CLPB: variants seen among roughly 807,000 people sequenced by gnomAD.
CLPB encodes the protein ClpB family mitochondrial disaggregase, also known as mitochondrial disaggregase.
CLPB carries 40 observed loss-of-function variants against 78.4 expected under a neutral mutation model. The ratio of observed to expected loss-of-function variants is 0.51; its 90% CI spans 0.40 to 0.66. CLPB has a LOEUF of 0.66. Among genes scored for constraint, CLPB ranks in the 30% least tolerant of loss-of-function variants. CLPB has a pLI of 0.00. For missense variants in CLPB, 780 were observed against 886.9 expected, an observed-to-expected ratio of 0.88 and a Z score of 1.53; for synonymous variants, 333 against 348.0, an observed-to-expected ratio of 0.96 and a Z score of 0.48.
intron 5 of CLPB, chr11:72,354,494 G>A: frequency 2.6e-6 from 1 of 390,212 alleles, no homozygotes; most frequent in Non-Finnish European, 4.5e-6. Context: ...CAACTTAACA[G>A]TCCTGGAAAT....
chr11:72,392,877 T>C (rs946234985), intron 3 of CLPB, among the ~76,000 whole-genome samples: 2 of 152,184 alleles, frequency 1.3e-5, no homozygotes, highest in African/African-American at 2.4e-5. Flanking sequence ...CAACTGACCA[T>C]CCATTAGTCT....
chr11:72,430,582 C>T (rs1856516193), intron 1 of CLPB: 1 of 550,002 alleles, frequency 1.8e-6, no homozygotes, highest in African/African-American at 1.9e-5. Flanking sequence ...AGAGCCCAAA[C>T]TCTTCACTCC....
At chr11:72,364,395 T>C (rs147093131) in intron 4 of CLPB, among the ~76,000 whole-genome samples, 6,592 of 151,934 alleles carry the variant, frequency 0.043, 429 homozygotes, top group African/African-American at 0.14. Context: ...TTAGTAGAGA[T>C]GGGGTTTCAC....
At chr11:72,333,309 T>C (rs1271594682) in intron 5 of CLPB, among the ~76,000 whole-genome samples, 1 of 152,222 alleles carries the variant, frequency 6.6e-6, no homozygotes, top group Non-Finnish European at 1.5e-5. Context: ...GGCAAGTCCT[T>C]AGAGGCTCAG....
At chr11:72,376,318 G>A (rs991187709) in intron 4 of CLPB, among the ~76,000 whole-genome samples, 16 of 152,120 alleles carry the variant, frequency 1.1e-4, no homozygotes, top group African/African-American at 3.9e-4. Context: ...TTGGTTGAAT[G>A]GCTTAAAAAA....
At chr11:72,395,951 G>A (rs114351241) in intron 3 of CLPB, among the ~76,000 whole-genome samples, 1 of 152,302 alleles carries the variant, frequency 6.6e-6, no homozygotes, top group African/African-American at 2.4e-5. Flanking sequence ...ACAAAGGAAG[G>A]CCTTTAAAAC....
chr11:72,376,406 C>T (rs1229765781), intron 4 of CLPB, among the ~76,000 whole-genome samples: 2 of 151,758 alleles, frequency 1.3e-5, no homozygotes. Flanking sequence ...AGAGAAGAGC[C>T]CTGAGAAGAT....
rs1949645421 is a variant in CLPB at position 72,300,992 on chromosome 11, T to G, written c.1329+811A>C. Among the ~76,000 whole-genome samples the G allele has an allele frequency of 3.9e-5, 6 of 152,206 alleles. 1 individual carries two copies. The highest frequency in any genetic ancestry group is 3.9e-4 in the Admixed American group (6 of 15,278). On this transcript the variant is annotated intron_variant, in intron 11 of 15. Coordinates refer to ENST00000538039, the MANE Select transcript of CLPB (RefSeq NM_001258392.3). ...ATCAGACATATCTGCAGCCCAATCT[T>G]GGCTCTTTACACAGCAGCTGTGGCC...
chr11:72,324,222 A>G (rs1950094026), intron 6 of CLPB, among the ~76,000 whole-genome samples: 1 of 152,130 alleles, frequency 6.6e-6, no homozygotes, highest in African/African-American at 2.4e-5. Context: ...TGATCCATAC[A>G]TTCCTGATAT....
At chr11:72,369,058 T>C (rs111956289) in intron 4 of CLPB, among the ~76,000 whole-genome samples, 2 of 152,038 alleles carry the variant, frequency 1.3e-5, no homozygotes, top group African/African-American at 4.8e-5. Context: ...CTCACCTCCA[T>C]GAAAGGGAAG....
chr11:72,384,171 AC>A (rs1855007098), intron 3 of CLPB, among the ~76,000 whole-genome samples: 1 of 151,958 alleles, frequency 6.6e-6, no homozygotes, highest in Non-Finnish European at 1.5e-5. Flanking sequence ...CAAACAAAAC[AC>A]CCCAAAAACC....
intron 2 of CLPB, among the ~76,000 whole-genome samples, chr11:72,406,669 G>A (rs117654328): frequency 0.029 from 4,476 of 152,296 alleles, 111 homozygotes; most frequent in Non-Finnish European, 0.041. Context: ...ATTCTAAGAT[G>A]TGATCACACA....
chr11:72,298,473 A>G (rs973143666), intron 11 of CLPB, among the ~76,000 whole-genome samples: 1 of 152,250 alleles, frequency 6.6e-6, no homozygotes, highest in East Asian at 1.9e-4. Flanking sequence ...CTCATGAATA[A>G]ATGAATGAGC....
chr11:72,418,928 G>A (rs1277275004), intron 2 of CLPB, among the ~76,000 whole-genome samples: 2 of 152,016 alleles, frequency 1.3e-5, no homozygotes, highest in Non-Finnish European at 2.9e-5. Context: ...ACAAGGAGAG[G>A]ACGACTGATT....
intron 3 of CLPB, among the ~76,000 whole-genome samples, chr11:72,388,755 G>C (rs1414981463): frequency 1.3e-5 from 2 of 152,150 alleles, no homozygotes; most frequent in African/African-American, 4.8e-5. Context: ...TCTTGGAGAA[G>C]CCAGCCCAGA....
intron 3 of CLPB, among the ~76,000 whole-genome samples, chr11:72,392,612 C>T (rs1855286379): frequency 6.6e-6 from 1 of 152,156 alleles, no homozygotes. Context: ...TTATTTACTT[C>T]AAAAAGTAAA....
chr11:72,427,228 A>C (rs1375883126), intron 2 of CLPB, among the ~76,000 whole-genome samples: 2 of 152,244 alleles, frequency 1.3e-5, no homozygotes. Flanking sequence ...TTCACTATCC[A>C]GAACTTTCCC....
chr11:72,380,319 TA>T lies in CLPB; in HGVS notation c.607del (p.Tyr203ThrfsTer15). On this transcript the variant is annotated frameshift_variant, in exon 4 of 16. Transcript: ENST00000538039. LOFTEE classifies it high-confidence loss of function. ...GATTCCCTGTTCCTTGGCAGTCTTGTAAACACTGCTGAAATCATCTCCAAGG... is the reference window on the plus strand; with the variant it reads ...GATTCCCTGTTCCTTGGCAGTCTTGTAACACTGCTGAAATCATCTCCAAGG... The part of the protein sequence containing the change: ...PNLGDDFSSV[Y>X]KTAKEQGIHS... 1 of 1,614,086 alleles carries T rather than the reference TA, an allele frequency of 6.2e-7. No individual in the cohort carries two copies. The highest frequency in any genetic ancestry group is 8.5e-7 in the Non-Finnish European group (1 of 1,179,946).
intron 3 of CLPB, among the ~76,000 whole-genome samples, chr11:72,401,559 A>G (rs1423729174): frequency 2.6e-5 from 4 of 152,368 alleles, no homozygotes; most frequent in African/African-American, 9.6e-5. Flanking sequence ...AGGAGCAGAG[A>G]AGAGAGACCT....
Sources: allele counts gnomAD v4.1 joint callset (sites outside exome capture counted in the v4.1 genomes callset), GRCh38; gene constraint gnomAD v4.1.1; transcripts MANE v1.5; gene names NCBI Gene and HGNC (gene_info 2026-07-23, HGNC 2026-07-21).